The following NHSL1 variants were observed in gnomAD, a reference collection of about 807,000 sequenced individuals.
NHSL1 encodes the protein NHS like 1, also known as NHS-like protein 1.
In NHSL1, 48 loss-of-function variants were observed where a neutral mutation model predicts 95.0. The ratio of observed to expected loss-of-function variants is 0.51; its 90% CI spans 0.40 to 0.64. The LOEUF is 0.64. Ranked by LOEUF, NHSL1 falls within the 30% of genes least tolerant of loss-of-function variation. NHSL1 has a pLI of 0.00. For missense variants in NHSL1, 1,971 were observed against 2,077.7 expected (o/e 0.95, Z 1.00); for synonymous variants, 783 against 833.9 (o/e 0.94, Z 1.05).
chr6:138,647,789 G>C (rs113799288), intron 1 of NHSL1, among the ~76,000 whole-genome samples: 6,334 of 151,910 alleles, frequency 0.042, 345 homozygotes, highest in African/African-American at 0.13. Context: ...CTAGAGACAG[G>C]GTTTCACCAT....
intron 1 of NHSL1, among the ~76,000 whole-genome samples, chr6:138,609,075 C>T (rs137984043): frequency 1.5e-4 from 23 of 152,246 alleles, no homozygotes; most frequent in South Asian, 8.3e-4. Flanking sequence ...AAAGGGTCCA[C>T]GATCCCCAAA....
rs1438956708 is a variant in NHSL1, at chr6:138,552,557, G to A, written c.202+19153C>T. Among the ~76,000 whole-genome samples, 8 of 152,188 alleles carry A rather than the reference G, an allele frequency of 5.3e-5. No homozygotes were observed. The East Asian group carries it at 1.4e-3, about 26-fold the overall frequency. On this transcript the variant is annotated intron_variant, in intron 1 of 6. Transcript: ENST00000427025. ...TAGCCCTCATTTGGCTCCTTTTCAT[G>A]AAATTTGTGCCTTCACTCATGGCAC... is the stretch of plus-strand genomic sequence containing the variant.
At chr6:138,444,395 A>T (rs1200725047) in intron 4 of NHSL1, among the ~76,000 whole-genome samples, 1 of 152,186 alleles carries the variant, frequency 6.6e-6, no homozygotes, top group Non-Finnish European at 1.5e-5. Flanking sequence ...GTTGTCCCAC[A>T]TAGCAGATGA....
intron 1 of NHSL1, among the ~76,000 whole-genome samples, chr6:138,657,129 T>C (rs1366575315): frequency 6.6e-6 from 1 of 152,072 alleles, no homozygotes; most frequent in Non-Finnish European, 1.5e-5. Context: ...AACCCCTGCA[T>C]TGGGGTAAAC....
At chr6:138,448,712 C>T (rs191943271) in intron 3 of NHSL1, among the ~76,000 whole-genome samples, 1 of 152,274 alleles carries the variant, frequency 6.6e-6, no homozygotes, top group African/African-American at 2.4e-5. Context: ...GGATTTAAGG[C>T]AAGTCTCTAA....
intron 1 of NHSL1, among the ~76,000 whole-genome samples, chr6:138,543,602 A>G (rs1782668270): frequency 6.6e-6 from 1 of 152,226 alleles, no homozygotes; most frequent in South Asian, 2.1e-4. Flanking sequence ...ATCAATGCTA[A>G]TCACAACCAC....
In NHSL1 at chr6:138,460,099, T is replaced by G. The variant is rs561346810; in HGVS notation, c.340-12906A>C. ...AGAACCGCACTTTTTCCCTTTGCTC[T>G]GAAAAAGTTTTAAGCATTGGACTTA... On this transcript the variant is annotated intron_variant, in intron 3 of 7. Coordinates refer to ENST00000343505, the MANE Select transcript of NHSL1 (RefSeq NM_001144060.2). Among the ~76,000 whole-genome samples the G allele has an allele frequency of 5.3e-5, 8 of 152,336 alleles. No homozygotes were observed. In the South Asian group the frequency reaches 1.2e-3, roughly 24 times the overall value.
chr6:138,548,329 T>C (rs981486054), upstream of NHSL1, among the ~76,000 whole-genome samples: 5 of 152,204 alleles, frequency 3.3e-5, no homozygotes, highest in Admixed American at 2.6e-4. Flanking sequence ...CTGGAAAGTA[T>C]AGTGGACTGA....
chr6:138,689,140 T>G (rs1257970137), intron 1 of NHSL1, among the ~76,000 whole-genome samples: 1 of 152,200 alleles, frequency 6.6e-6, no homozygotes, highest in African/African-American at 2.4e-5. Context: ...ACTAAGTCAC[T>G]AAGTATTAAT....
intron 3 of NHSL1, among the ~76,000 whole-genome samples, chr6:138,472,218 T>C (rs1562305120): frequency 6.6e-6 from 1 of 150,588 alleles, no homozygotes; most frequent in Non-Finnish European, 1.5e-5. Flanking sequence ...AAAAACAATC[T>C]GGGTGAAGAT....
intron 1 of NHSL1, among the ~76,000 whole-genome samples, chr6:138,510,499 A>G (rs1781170287): frequency 1.3e-5 from 2 of 152,228 alleles, no homozygotes; most frequent in African/African-American, 4.8e-5. Flanking sequence ...TAAACTACAG[A>G]ATACACAGCA....
At chr6:138,629,580 A>C (rs201441378) in intron 1 of NHSL1, among the ~76,000 whole-genome samples, 1 of 152,098 alleles carries the variant, frequency 6.6e-6, no homozygotes, top group African/African-American at 2.4e-5. Flanking sequence ...ATGGGGTTTC[A>C]CCATGTTGGC....
At chr6:138,599,467 G>C (rs1336160152) in intron 1 of NHSL1, among the ~76,000 whole-genome samples, 1 of 152,026 alleles carries the variant, frequency 6.6e-6, no homozygotes, top group Non-Finnish European at 1.5e-5. Context: ...AGCCGAGACT[G>C]CACCATTGCA....
Position 138,487,110 on chromosome 6 carries a change from C to T in NHSL1, c.211+9109G>A, listed in dbSNP as rs17067662. Among the ~76,000 whole-genome samples the T allele has an allele frequency of 1.7e-3, 264 of 151,342 alleles. 1 individual carries two copies. Among genetic ancestry groups the T allele is most frequent in the African/African-American group, 6.0e-3 (245 of 40,690 alleles). ...CCAACTGAAGGACTTTATCATTACA[C>T]GTGAAGGCACAAAGTAAAAAAAATT... On this transcript the variant is annotated intron_variant, in intron 2 of 7. Transcript: ENST00000343505.
At chr6:138,467,138 T>G (rs1332871698) in intron 3 of NHSL1, among the ~76,000 whole-genome samples, 1 of 151,614 alleles carries the variant, frequency 6.6e-6, no homozygotes, top group Non-Finnish European at 1.5e-5. Flanking sequence ...ATATTTTTTG[T>G]TATTTTATTT....
intron 2 of NHSL1, among the ~76,000 whole-genome samples, chr6:138,489,266 G>A (rs1443513794): frequency 6.6e-6 from 1 of 152,172 alleles, no homozygotes; most frequent in Non-Finnish European, 1.5e-5. Context: ...CAGGTACATT[G>A]AGATATTAAT....
chr6:138,432,371 G>C lies in NHSL1; in HGVS notation c.1974C>G (p.Ser658=), dbSNP rs1329190648. ...TCTTCAAAGAGATGTTTCTTGATAG[G>C]GATTTATCCTGGTAATTGGACCGGT... is the stretch of plus-strand genomic sequence containing the variant. ...QGDRSNYQDK[S]LSRNISLKKA... The change falls in exon 6 of 8, where the codon TCC becomes TCG. Residue 658 remains serine (S), a synonymous_variant. Coordinates refer to ENST00000343505, the MANE Select transcript of NHSL1 (RefSeq NM_001144060.2). This position sits in a 1 kb window ranked among gnomAD's most constrained non-coding sequence, Gnocchi z 4.4. The C allele has an allele frequency of 9.7e-6, 15 of 1,551,748 alleles. No homozygotes were observed. Among genetic ancestry groups the C allele is most frequent in the Non-Finnish European group, 1.2e-5 (14 of 1,147,024 alleles).
At chr6:138,690,561 C>T (rs12524395) in intron 1 of NHSL1, among the ~76,000 whole-genome samples, 23,500 of 151,884 alleles carry the variant, frequency 0.15, 1,960 homozygotes, top group Admixed American at 0.25. Context: ...ACAAACATGG[C>T]GAAACCCTGT....
At chr6:138,479,217 A>G (rs1779270281) in intron 2 of NHSL1, among the ~76,000 whole-genome samples, 1 of 152,132 alleles carries the variant, frequency 6.6e-6, no homozygotes, top group Non-Finnish European at 1.5e-5. Context: ...CCTTTTTCAC[A>G]ATTTCTCAGA....
Sources: gnomAD v4.1 joint callset for allele counts (sites outside exome capture counted in the v4.1 genomes callset) on GRCh38, gnomAD v4.1.1 for gene constraint, Gnocchi (gnomAD v3.1) non-coding constraint, MANE v1.5 for transcripts, NCBI Gene and HGNC (gene_info 2026-07-23, HGNC 2026-07-21) for gene names.